Variants in MCF2L observed in about 807,000 individuals in gnomAD.
MCF2L encodes the protein MCF.2 cell line derived transforming sequence like.
MCF2L carries 97 observed loss-of-function variants against 153.4 expected under a neutral mutation model. The ratio of observed to expected loss-of-function variants is 0.63; its 90% CI spans 0.54 to 0.75. The LOEUF is 0.75. Ranked by LOEUF, MCF2L falls within the 30% of genes least tolerant of loss-of-function variation. MCF2L has a pLI of 0.00. For missense variants in MCF2L, 1,347 were observed against 1,495.2 expected (o/e 0.90, Z 1.64); for synonymous variants, 659 against 632.2 (o/e 1.04, Z -0.64).
At chr13:112,953,965 G>A (rs1176413512) in intron 2 of MCF2L, among the ~76,000 whole-genome samples, 4 of 152,254 alleles carry the variant, frequency 2.6e-5, no homozygotes, top group Non-Finnish European at 5.9e-5. Context: ...GGGTCTCTGT[G>A]TGGCCAACGG....
At chr13:112,978,178 C>A (rs1159574172) in intron 1 of MCF2L, among the ~76,000 whole-genome samples, 1 of 152,256 alleles carries the variant, frequency 6.6e-6, no homozygotes, top group Non-Finnish European at 1.5e-5. Flanking sequence ...TAGGGCTGAC[C>A]TGTCCTGGGC....
At chr13:113,096,080 G>T (rs1273060982) in intron 27 of MCF2L, 4 of 533,870 alleles carry the variant, frequency 7.5e-6, no homozygotes, top group Non-Finnish European at 1.3e-5. Flanking sequence ...CCGGGAGGCG[G>T]GTATGCAGGC....
chr13:113,089,832 A>G (rs377733093), intron 26 of MCF2L, 104 bp downstream of exon 26: 21 of 1,610,998 alleles, frequency 1.3e-5, no homozygotes, highest in Non-Finnish European at 1.8e-5. Flanking sequence ...AGTGTGAAGA[A>G]GCTTTGCAGA....
chr13:112,953,727 T>G (rs1180636248), intron 2 of MCF2L, among the ~76,000 whole-genome samples: 2 of 152,222 alleles, frequency 1.3e-5, no homozygotes, highest in Non-Finnish European at 2.9e-5. Flanking sequence ...GCCTTGGTCC[T>G]GCGTCAGAGC....
chr13:113,088,827 C>G (rs1362271366), intron 25 of MCF2L, among the ~76,000 whole-genome samples, 199 bp downstream of exon 25: 5 of 152,248 alleles, frequency 3.3e-5, no homozygotes, highest in African/African-American at 9.6e-5. Context: ...AATGCCCAGT[C>G]CCTCTCCAGC....
rs1384247158 is a variant in MCF2L, at chr13:112,993,906, G to A, written c.80-20857G>A. Among the ~76,000 whole-genome samples, 3 of 142,326 alleles carry A rather than the reference G, an allele frequency of 2.1e-5. No homozygotes were observed. The highest frequency in any genetic ancestry group is 2.2e-4 in the East Asian group (1 of 4,616). 93.4% of individuals were successfully genotyped at this position (142,326 alleles called of 152,430 possible). Reference sequence around the variant, plus strand: ...TTAGATCGGAAGGCGAAGAAGGTGAGATCCACAGCTCGATTTCCCTTCAGA... The same window carrying A: ...TTAGATCGGAAGGCGAAGAAGGTGAAATCCACAGCTCGATTTCCCTTCAGA... On this transcript the variant is annotated intron_variant, in intron 1 of 29. Transcript: ENST00000535094. This position sits in a 1 kb window ranked among gnomAD's most constrained non-coding sequence, Gnocchi z 4.6.
At chr13:112,952,729 T>C (rs1019881362) in intron 2 of MCF2L, among the ~76,000 whole-genome samples, 2 of 152,224 alleles carry the variant, frequency 1.3e-5, no homozygotes, top group African/African-American at 4.8e-5. Context: ...AACTGGCATG[T>C]CCCCAGCATT....
chr13:112,963,467 G>A lies in MCF2L; in HGVS notation c.170-51296G>A, dbSNP rs188556233. Among the ~76,000 whole-genome samples, 6 of 152,232 alleles carry A rather than the reference G, an allele frequency of 3.9e-5. No homozygotes were observed. In the South Asian group the frequency reaches 8.3e-4, roughly 21 times the overall value. On this transcript the variant is annotated intron_variant, in intron 2 of 29. Transcript: ENST00000375608. ...GCTAGGAGGGAATGACTTGTGTGGG[G>A]ACTGGGATAGGCACCAGGTGGAACC...
intron 3 of MCF2L, among the ~76,000 whole-genome samples, chr13:113,033,211 C>T (rs1447468087): frequency 1.4e-4 from 17 of 124,780 alleles, no homozygotes; most frequent in Non-Finnish European, 1.8e-4. Context: ...GAGTGGCCCC[C>T]GTGACATGAG....
intron 1 of MCF2L, among the ~76,000 whole-genome samples, chr13:112,994,758 A>G (rs1327063957): frequency 6.6e-6 from 1 of 151,502 alleles, no homozygotes; most frequent in Non-Finnish European, 1.5e-5. Flanking sequence ...CGGGCAGGAC[A>G]TATGGGCCTC....
Position 112,945,989 on chromosome 13 carries a change from G to A in MCF2L, c.169+43618G>A, listed in dbSNP as rs144150609. On this transcript the variant is annotated intron_variant, in intron 2 of 29. Coordinates refer to the MCF2L transcript ENST00000375608. ...TGAGGAGCTGCTGCGTGTTCAGACC[G>A]GAAACCTGAGCTCATCAGCACGCCA... 2.1e-3 allele frequency among the ~76,000 whole-genome samples: 321 copies of A among 152,204 alleles called. 2 individuals carry two copies. The highest frequency in any genetic ancestry group is 7.1e-3 in the African/African-American group (294 of 41,536).
intron 2 of MCF2L, among the ~76,000 whole-genome samples, chr13:112,955,443 A>G (rs2081745725): frequency 6.6e-6 from 1 of 152,176 alleles, no homozygotes; most frequent in South Asian, 2.1e-4. Context: ...ACGTTGTGAC[A>G]TTGGCTGATA....
chr13:113,078,359 A>G lies in MCF2L; in HGVS notation c.1661-4A>G. ...TCATGCCCCGCTCCCCTTCTTCCCA[A>G]CAGGCATTCGGCGAGGCTCTGAGAA... On this transcript the variant is annotated splice_region_variant and splice_polypyrimidine_tract_variant and intron_variant, in intron 13 of 29. Transcript: ENST00000535094. 3 of 1,612,740 alleles carry G rather than the reference A, an allele frequency of 1.9e-6. No individual in the cohort carries two copies. Among genetic ancestry groups the G allele is most frequent in the Non-Finnish European group, 2.5e-6 (3 of 1,179,454 alleles).
chr13:112,988,802 G>A (rs2082762632), intron 1 of MCF2L, among the ~76,000 whole-genome samples: 1 of 64,064 alleles, frequency 1.6e-5, no homozygotes. Flanking sequence ...CAGGGGATGG[G>A]CTACGACACT....
At chr13:113,049,248 G>C (rs1036851923) in intron 4 of MCF2L, among the ~76,000 whole-genome samples, 2 of 152,020 alleles carry the variant, frequency 1.3e-5, no homozygotes, top group African/African-American at 4.8e-5. Context: ...CTGAGGCTTA[G>C]AGGGTCACTG....
At chr13:113,012,522 T>C (rs2084218675) in intron 1 of MCF2L, among the ~76,000 whole-genome samples, 1 of 93,776 alleles carries the variant, frequency 1.1e-5, no homozygotes, top group African/African-American at 3.9e-5. Flanking sequence ...TGGTGGACAC[T>C]GCAATGAGGA....
intron 1 of MCF2L, among the ~76,000 whole-genome samples, chr13:112,899,209 G>C (rs2081097314): frequency 6.6e-6 from 1 of 152,170 alleles, no homozygotes; most frequent in Admixed American, 6.5e-5. Context: ...GTCTGCATCT[G>C]TAGACAGATT....
intron 1 of MCF2L, among the ~76,000 whole-genome samples, chr13:113,000,385 C>T (rs2083314182): frequency 6.6e-6 from 1 of 152,154 alleles, no homozygotes; most frequent in Non-Finnish European, 1.5e-5. Flanking sequence ...AAGCGACATT[C>T]CTGCCCCAGG....
In MCF2L at chr13:113,027,065, TAA is replaced by T. The variant is rs1447601644; in HGVS notation, c.278+2309_278+2310del. ...CACCAAGTAAAAACAGAAATATCCT[TAA>T]ATATGGCATCTGTATCCCGCACATT... On this transcript the variant is annotated intron_variant, in intron 3 of 29. Coordinates refer to ENST00000535094, the MANE Select transcript of MCF2L (RefSeq NM_001112732.3). The surrounding 1 kb of genome is among the most constrained non-coding windows in gnomAD (Gnocchi z 4.8). The T allele has an allele frequency of 1.1e-4, 83 of 768,868 alleles. No individual in the cohort carries two copies. The African/African-American group carries it at 1.2e-3, about 11-fold the overall frequency. The allele number at this position is 768,868 out of a possible 1,614,324, so 47.6% of individuals were successfully genotyped here. A position where few individuals can be genotyped will look rare whatever the true frequency, so the allele number is the denominator to read the frequency against.
Sources: allele counts gnomAD v4.1 joint callset (sites outside exome capture counted in the v4.1 genomes callset), GRCh38; gene constraint gnomAD v4.1.1; non-coding constraint Gnocchi (gnomAD v3.1); transcripts MANE v1.5; gene names NCBI Gene and HGNC (gene_info 2026-07-23, HGNC 2026-07-21).